The following NRG1 variants were observed in gnomAD, a reference collection of about 807,000 sequenced individuals.
NRG1 encodes the protein neuregulin 1, also known as pro-neuregulin-1, membrane-bound isoform.
Under a neutral mutation model 63.8 loss-of-function variants are expected in NRG1, and 18 were observed. That is an observed-to-expected ratio of 0.28 (90% CI 0.19 to 0.42). The LOEUF (loss-of-function observed/expected upper bound fraction) is 0.42. Ranked by LOEUF, NRG1 falls within the 10% of genes least tolerant of loss-of-function variation. The probability of loss-of-function intolerance (pLI) is 1.00; values close to 1 mark genes in which losing one functional copy is unlikely to be tolerated. For missense variants in NRG1, 762 were observed against 814.7 expected (o/e 0.94, Z 0.79); for synonymous variants, 302 against 301.3 (o/e 1.00, Z -0.02).
At chr8:32,063,284 A>T (rs1260139730) in intron 1 of NRG1, 1 of 152,156 alleles carries the variant, frequency 6.6e-6, no homozygotes, top group Non-Finnish European at 1.5e-5. Context: ...CCATAAGAAA[A>T]CAGCTGCAAC....
chr8:32,267,932 T>C (rs534524226), intron 1 of NRG1, among the ~76,000 whole-genome samples: 5 of 152,310 alleles, frequency 3.3e-5, no homozygotes, highest in African/African-American at 1.2e-4. Context: ...TGAAGTTCAC[T>C]CCCTTGTATG....
chr8:32,648,821 C>G (rs1258437025), intron 5 of NRG1, among the ~76,000 whole-genome samples: 1 of 152,214 alleles, frequency 6.6e-6, no homozygotes, highest in Non-Finnish European at 1.5e-5. Context: ...CTGTTACCCT[C>G]TACCTCTCAG....
intron 1 of NRG1, among the ~76,000 whole-genome samples, chr8:31,710,271 T>G (rs2131248153): frequency 6.6e-6 from 1 of 152,052 alleles, no homozygotes; most frequent in Admixed American, 6.5e-5. Flanking sequence ...TTCGCTGTTA[T>G]TTCTAGAATT....
intron 1 of NRG1, among the ~76,000 whole-genome samples, chr8:31,991,272 TGAC>T (rs534866109): frequency 4.9e-4 from 75 of 152,074 alleles, no homozygotes; most frequent in Admixed American, 9.8e-4. Context: ...TTTCTCATCC[TGAC>T]GACGACAACA....
chr8:32,759,659 T>C (rs1260442156), intron 10 of NRG1, among the ~76,000 whole-genome samples: 7 of 152,206 alleles, frequency 4.6e-5, no homozygotes, highest in Admixed American at 1.3e-4. Context: ...TTGTCTTTAC[T>C]CATGCCCTGC....
At chr8:32,648,433 T>G (rs759481191) in intron 5 of NRG1, 2 of 1,585,838 alleles carry the variant, frequency 1.3e-6, no homozygotes, top group East Asian at 2.3e-5. Flanking sequence ...ATAAAAGGGG[T>G]GGGTTTGAGG....
chr8:32,382,392 A>T (rs2129483417), intron 1 of NRG1, among the ~76,000 whole-genome samples: 1 of 152,318 alleles, frequency 6.6e-6, no homozygotes, highest in South Asian at 2.1e-4. Context: ...TGGGTTCAGA[A>T]GATAATGCCT....
intron 1 of NRG1, among the ~76,000 whole-genome samples, chr8:31,706,219 G>A (rs752217379): frequency 4.0e-5 from 6 of 151,876 alleles, no homozygotes; most frequent in Non-Finnish European, 8.8e-5. Flanking sequence ...TTTTTTATGT[G>A]TCCTTCCAGA....
intron 1 of NRG1, among the ~76,000 whole-genome samples, chr8:32,096,443 G>C (rs1829917114): frequency 6.6e-6 from 1 of 152,092 alleles, no homozygotes; most frequent in Non-Finnish European, 1.5e-5. Context: ...TTTCAGATCT[G>C]TTCTTCTAGC....
chr8:32,693,333 G>A (rs1008512719), intron 5 of NRG1, among the ~76,000 whole-genome samples: 1 of 151,064 alleles, frequency 6.6e-6, no homozygotes, highest in East Asian at 2.0e-4. Flanking sequence ...ATTCTCCTGC[G>A]TCAGCCTCCC....
At position 32,409,753 on chromosome 8, in the gene NRG1, C is replaced by A. The variant is rs113034809; in HGVS notation, c.38-186075C>A. 6.1e-3 allele frequency among the ~76,000 whole-genome samples: 933 copies of A among 152,312 alleles called. 3 individuals carry two copies. The highest frequency in any genetic ancestry group is 9.7e-3 in the Non-Finnish European group (663 of 68,018). Reference sequence around the variant, plus strand: ...GAGCTTTGATAGTTAACTTCTCTCTCTTTTTCTCTCTGTTTTCTTCTTGTG... The same window carrying A: ...GAGCTTTGATAGTTAACTTCTCTCTATTTTTCTCTCTGTTTTCTTCTTGTG... On this transcript the variant is annotated intron_variant, in intron 1 of 10. Transcript: ENST00000519301.
In NRG1 at chr8:32,293,648, A is replaced by AT. The variant is rs1183819528; in HGVS notation, c.38-302173dup. 2.9e-5 allele frequency among the ~76,000 whole-genome samples: 4 copies of AT among 135,784 alleles called. No homozygotes were observed. In the East Asian group the frequency reaches 6.7e-4, roughly 23 times the overall value. The allele number at this position is 135,784 out of a possible 152,430, so 89.1% of individuals were successfully genotyped here. A position where few individuals can be genotyped will look rare whatever the true frequency, so the allele number is the denominator to read the frequency against. ...AGCCATTTTATTTTAATTTTTTTCT[A>AT]TTTTTTTATTTTTATTTTTTACATT... On this transcript the variant is annotated intron_variant, in intron 1 of 10. Coordinates refer to the NRG1 transcript ENST00000519301.
At chr8:32,590,046 C>T (rs982243569) in intron 1 of NRG1, among the ~76,000 whole-genome samples, 1 of 152,182 alleles carries the variant, frequency 6.6e-6, no homozygotes, top group East Asian at 1.9e-4. Context: ...CTTTGCATAC[C>T]TGCATGTTTT....
At chr8:31,931,384 C>A (rs1327807954) in intron 1 of NRG1, among the ~76,000 whole-genome samples, 1 of 152,142 alleles carries the variant, frequency 6.6e-6, no homozygotes, top group Non-Finnish European at 1.5e-5. Context: ...AACAAGCATA[C>A]CATGATGTGA....
chr8:32,524,158 G>A (rs1830589774), intron 1 of NRG1, among the ~76,000 whole-genome samples: 1 of 152,058 alleles, frequency 6.6e-6, no homozygotes, highest in East Asian at 1.9e-4. Context: ...GTGGTGGCAT[G>A]TGCCTGTAGT....
intron 1 of NRG1, among the ~76,000 whole-genome samples, chr8:32,457,823 A>G (rs1821792773): frequency 6.6e-6 from 1 of 152,144 alleles, no homozygotes; most frequent in Non-Finnish European, 1.5e-5. Context: ...TAGTGCATAC[A>G]TATACATGCT....
intron 1 of NRG1, among the ~76,000 whole-genome samples, chr8:32,094,171 T>C (rs1465856398): frequency 6.6e-6 from 1 of 152,200 alleles, no homozygotes. Context: ...GTGCTGAATT[T>C]GGAAAAACCC....
At position 32,353,178 on chromosome 8, in the gene NRG1, A is replaced by G. The variant is rs993406777; in HGVS notation, c.38-242650A>G. The stretch of plus-strand genomic sequence containing the variant: ...AAGCAACTTAAAGCTATAAAAATTA[A>G]AATAGCATGTTATGCCATGAAAGAG... On this transcript the variant is annotated intron_variant, in intron 1 of 10. Transcript: ENST00000519301. Among the ~76,000 whole-genome samples, 8 of 150,760 alleles carry G rather than the reference A, an allele frequency of 5.3e-5. No homozygotes were observed. The South Asian group carries it at 1.7e-3, about 31-fold the overall frequency.
At chr8:32,597,952 A>T (rs1473532590) in intron 2 of NRG1, among the ~76,000 whole-genome samples, 2 of 152,178 alleles carry the variant, frequency 1.3e-5, no homozygotes, top group Non-Finnish European at 2.9e-5. Context: ...TTTGGATGGA[A>T]TGGATTTTGG....
Sources: allele counts gnomAD v4.1 joint callset (sites outside exome capture counted in the v4.1 genomes callset), GRCh38; gene constraint gnomAD v4.1.1; transcripts MANE v1.5; gene names NCBI Gene and HGNC (gene_info 2026-07-23, HGNC 2026-07-21).